The following SRP68 variants were observed in gnomAD, a reference collection of about 807,000 sequenced individuals.
SRP68 encodes the protein signal recognition particle 68, also known as signal recognition particle subunit SRP68.
In SRP68, 15 loss-of-function variants were observed where a neutral mutation model predicts 82.2. The ratio of observed to expected loss-of-function variants is 0.18; its 90% CI spans 0.12 to 0.28. The LOEUF (loss-of-function observed/expected upper bound fraction) is 0.28. Ranked by LOEUF, SRP68 falls within the 10% of genes least tolerant of loss-of-function variation. The probability of loss-of-function intolerance (pLI) is 1.00; values close to 1 mark genes in which losing one functional copy is unlikely to be tolerated. For synonymous variants in SRP68, 261 were observed against 292.6 expected, an observed-to-expected ratio of 0.89 and a Z score of 1.10; for missense variants, 595 against 780.5, an observed-to-expected ratio of 0.76 and a Z score of 2.83.
rs1402990988 is a variant in SRP68, at chr17:76,060,328, G to C, written c.817C>G (p.Leu273Val). The change falls in exon 7 of 16, where the codon CTC becomes GTC. Residue 273 changes from leucine to valine, a missense_variant. Around this residue, in one of 2 missense-constraint regions of SRP68, gnomAD observed 495 missense variants for 688.6 expected, o/e 0.72. Transcript: ENST00000307877. ...ATTACCTCCAATTTTTCAGCCAAGA[G>C]ACCCTCAGTGCCCCCAGACCTCAAT... ...MRLRSGGTEG[L>V]LAEKLEALIT... 3 of 1,609,682 alleles carry C rather than the reference G, an allele frequency of 1.9e-6. No individual in the cohort carries two copies. Among genetic ancestry groups the C allele is most frequent in the Admixed American group, 3.4e-5 (2 of 59,148 alleles).
chr17:76,072,446 TGCCGCCGCCGCCGCC>T lies in SRP68; in HGVS notation c.31_45del (p.Gly11_Gly15del). 6.3e-6 allele frequency: 10 copies of T among 1,579,346 alleles called. No homozygotes were observed. The highest frequency in any genetic ancestry group is 5.1e-5 in the Admixed American group (3 of 58,614). On this transcript the variant is annotated inframe_deletion, in exon 1 of 16. Transcript: ENST00000307877. This position sits in a 1 kb window ranked among gnomAD's most constrained non-coding sequence, Gnocchi z 4.5. ...CCGCCACTGCCACCGCCGCCGCCAC[TGCCGCCGCCGCCGCC>T]GCCGCCTGGGACCTGCTTCTCAGCA...
intron 4 of SRP68, among the ~76,000 whole-genome samples, chr17:76,062,489 T>TATATATA: frequency 9.5e-6 from 1 of 105,438 alleles, no homozygotes. Flanking sequence ...TATGGAGATA[T>TATATATA]ATATATATAA....
Position 76,071,945 on chromosome 17 carries a change from G to T in SRP68, c.184+363C>A. 2.8e-6 allele frequency: 1 copy of T among 352,352 alleles called. No homozygotes were observed. The highest frequency in any genetic ancestry group is 7.3e-5 in the East Asian group (1 of 13,608). 21.8% of individuals were successfully genotyped at this position (352,352 alleles called of 1,614,324 possible). A position where few individuals can be genotyped will look rare whatever the true frequency, so the allele number is the denominator to read the frequency against. ...GTCAGACAAGAGTATTAAGCCAAAT[G>T]TCAAGACTGCAGTTTCCTCTCCCCA... On this transcript the variant is annotated intron_variant, in intron 1 of 15. Coordinates refer to ENST00000307877, the MANE Select transcript of SRP68 (RefSeq NM_014230.4). This position sits in a 1 kb window ranked among gnomAD's most constrained non-coding sequence, Gnocchi z 4.7.
chr17:76,040,211 T>C (rs1305320071), intron 15 of SRP68, among the ~76,000 whole-genome samples: 6 of 152,302 alleles, frequency 3.9e-5, no homozygotes, highest in Middle Eastern at 3.4e-3. Flanking sequence ...TGCTACTCTT[T>C]ACAGCAACAG....
intron 8 of SRP68, among the ~76,000 whole-genome samples, chr17:76,056,301 GTT>G: frequency 6.6e-6 from 1 of 152,240 alleles, no homozygotes; most frequent in East Asian, 1.9e-4. Context: ...GACAGAAGTA[GTT>G]TCTTTCTTCC....
At chr17:76,068,090 G>A (rs1332200068) in intron 2 of SRP68, among the ~76,000 whole-genome samples, 3 of 151,822 alleles carry the variant, frequency 2.0e-5, no homozygotes, top group Non-Finnish European at 4.4e-5. Context: ...TCAAGAGTTC[G>A]AGACCAGCCT....
intron 4 of SRP68, among the ~76,000 whole-genome samples, chr17:76,062,587 ATATATAATATACATTATATAT>A (rs1567934808): frequency 9.6e-5 from 3 of 31,222 alleles, no homozygotes; most frequent in Non-Finnish European, 1.0e-4. Flanking sequence ...ACATTATATA[ATATATAATATACATTATATAT>A]TATATAATAT....
chr17:76,058,643 G>T lies in SRP68; in HGVS notation c.838-1100C>A, dbSNP rs575720522. Among the ~76,000 whole-genome samples, 181 of 152,290 alleles carry T rather than the reference G, an allele frequency of 1.2e-3. 1 individual carries two copies. Among genetic ancestry groups the T allele is most frequent in the African/African-American group, 4.1e-3 (170 of 41,568 alleles). On this transcript the variant is annotated intron_variant, in intron 7 of 15. Coordinates refer to ENST00000307877, the MANE Select transcript of SRP68 (RefSeq NM_014230.4). Reference sequence around the variant, plus strand: ...AAATATTAAAAGGACATAGCGGAAGGTTAAAAAGAGTAACACTAAGTTTTG... The same window carrying T: ...AAATATTAAAAGGACATAGCGGAAGTTTAAAAAGAGTAACACTAAGTTTTG...
chr17:76,053,727 T>TA, intron 8 of SRP68: 1 of 828,512 alleles, frequency 1.2e-6, no homozygotes, highest in Non-Finnish European at 1.5e-6. Flanking sequence ...CTCAGACCAC[T>TA]AATCTCTGAA....
At chr17:76,066,730 CCT>C (rs2066810093) in intron 3 of SRP68, among the ~76,000 whole-genome samples, 1 of 150,294 alleles carries the variant, frequency 6.7e-6, no homozygotes. Flanking sequence ...CTCACCCCCT[CCT>C]TTTTTTTTTT....
intron 13 of SRP68, among the ~76,000 whole-genome samples, chr17:76,042,568 A>G (rs1479565037): frequency 1.3e-5 from 2 of 151,730 alleles, no homozygotes; most frequent in African/African-American, 2.4e-5. Context: ...AAAGCAAAGA[A>G]AGCCTTCCAT....
At chr17:76,042,108 T>C (rs1458377586) in intron 13 of SRP68, among the ~76,000 whole-genome samples, 3 of 151,848 alleles carry the variant, frequency 2.0e-5, no homozygotes, top group Non-Finnish European at 4.4e-5. Context: ...ATGGTCTCGA[T>C]CTCCTGACCT....
Position 76,039,775 on chromosome 17 carries a change from G to T in SRP68, c.1815C>A (p.Asp605Glu). Residue 605 changes from aspartate to glutamate, a missense_variant, in exon 16 of 16, where the codon GAC becomes GAA. This residue lies in a region of SRP68 where 495 missense variants were observed against 688.6 expected (regional missense o/e 0.72). Transcript: ENST00000307877. ...CACTCTTGGTCTTCTGTTCCAACTTGTCCTCAAGGGGTGGGAAAGCCACAT... is the reference window on the plus strand; with the variant it reads ...CACTCTTGGTCTTCTGTTCCAACTTTTCCTCAAGGGGTGGGAAAGCCACAT... Reference protein sequence around the residue: ...LNHVAFPPLEDKLEQKTKSGL... With the variant: ...LNHVAFPPLEEKLEQKTKSGL... 1.9e-6 allele frequency: 3 copies of T among 1,614,158 alleles called. No individual in the cohort carries two copies. Among genetic ancestry groups the T allele is most frequent in the Non-Finnish European group, 2.5e-6 (3 of 1,180,036 alleles).
Position 76,053,532 on chromosome 17 carries a change from C to T in SRP68, c.979-3006G>A. On this transcript the variant is annotated intron_variant, in intron 8 of 15. Transcript: ENST00000307877. ...TCTTGACTGCCACGTATCACCTCTG[C>T]TCCCTTTAACTAAGCCTCTGCATCA... is the stretch of plus-strand genomic sequence containing the variant. 5.1e-6 allele frequency: 5 copies of T among 985,418 alleles called. 1 individual carries two copies. The highest frequency in any genetic ancestry group is 1.7e-5 in the African/African-American group (1 of 57,346). The allele number at this position is 985,418 out of a possible 1,614,324, so 61.0% of individuals were successfully genotyped here.
chr17:76,040,033 C>G, intron 15 of SRP68, 100 bp from the exon 16 acceptor site: 1 of 1,152,414 alleles, frequency 8.7e-7, no homozygotes, highest in Non-Finnish European at 1.2e-6. Context: ...TTTACAGGGG[C>G]CATCTCACTC....
Position 76,045,343 on chromosome 17 carries a change from T to C in SRP68, c.1343A>G (p.Lys448Arg), listed in dbSNP as rs752545548. The C allele has an allele frequency of 1.1e-5, 17 of 1,613,716 alleles. No homozygotes were observed. The highest frequency in any genetic ancestry group is 1.3e-5 in the Non-Finnish European group (15 of 1,179,792). The change falls in exon 12 of 16, where the codon AAA (lysine) becomes AGA (arginine). Residue 448 changes from lysine to arginine, a missense_variant. Lys to Arg is a conservative substitution (Grantham distance 26). Coordinates refer to ENST00000307877, the MANE Select transcript of SRP68 (RefSeq NM_014230.4). The part of the protein sequence containing the change: ...LLQLPGLEED[K>R]AFQKEIGLKT... ...GAGGCCTATCTCTTTCTGGAAGGCT[T>C]TGTCTTCCTCTAAACCAGGAAGCTG...
At chr17:76,054,268 TTTCAC>T (rs2066696570) in intron 8 of SRP68, among the ~76,000 whole-genome samples, 2 of 152,156 alleles carry the variant, frequency 1.3e-5, no homozygotes, top group South Asian at 2.1e-4. Context: ...CTCAGATTGT[TTTCAC>T]TTGTCTATGG....
chr17:76,052,442 A>G (rs1025580991), intron 8 of SRP68, among the ~76,000 whole-genome samples: 2 of 151,954 alleles, frequency 1.3e-5, no homozygotes, highest in Non-Finnish European at 2.9e-5. Flanking sequence ...AGACATGTGA[A>G]TGGCAGGGGG....
chr17:76,051,504 C>T (rs2066672112), intron 8 of SRP68, among the ~76,000 whole-genome samples: 1 of 152,190 alleles, frequency 6.6e-6, no homozygotes, highest in African/African-American at 2.4e-5. Context: ...AAACCCAGTG[C>T]TGCCCACCCC....
Sources: gnomAD v4.1 joint callset for allele counts (sites outside exome capture counted in the v4.1 genomes callset) on GRCh38, gnomAD v4.1.1 for gene constraint, gnomAD v4.1.1 regional missense constraint, Gnocchi (gnomAD v3.1) non-coding constraint, MANE v1.5 for transcripts, NCBI Gene and HGNC (gene_info 2026-07-23, HGNC 2026-07-21) for gene names.